The following ELF2 variants were observed in gnomAD, a reference collection of about 807,000 sequenced individuals.
The protein encoded by ELF2 is E74 like ETS transcription factor 2, also known as ETS-related transcription factor Elf-2.
A neutral mutation model predicts 54.8 loss-of-function variants in ELF2; 11 were observed. The ratio of observed to expected loss-of-function variants is 0.20; its 90% CI spans 0.13 to 0.33. ELF2 has a LOEUF of 0.33. Ranked by LOEUF, ELF2 falls within the 10% of genes least tolerant of loss-of-function variation. The pLI, the probability that ELF2 is intolerant of heterozygous loss-of-function variation, is 1.00. For missense variants in ELF2, 513 were observed against 703.0 expected (o/e 0.73, Z 3.06); for synonymous variants, 203 against 245.1 (o/e 0.83, Z 1.61).
intron 1 of ELF2, among the ~76,000 whole-genome samples, chr4:139,170,188 T>C (rs1742135472): frequency 6.7e-6 from 1 of 148,666 alleles, no homozygotes; most frequent in Non-Finnish European, 1.5e-5. Context: ...GTATAATCTA[T>C]AAAAGAAAAA....
At chr4:139,078,417 T>TC (rs1044540240) in intron 4 of ELF2, among the ~76,000 whole-genome samples, 7 of 152,084 alleles carry the variant, frequency 4.6e-5, no homozygotes, top group African/African-American at 1.7e-4. Flanking sequence ...CCCAAAGCTA[T>TC]ACCAGTAATA....
chr4:139,141,506 A>C (rs1738696520), intron 1 of ELF2, among the ~76,000 whole-genome samples: 1 of 152,182 alleles, frequency 6.6e-6, no homozygotes, highest in East Asian at 1.9e-4. Context: ...TTGTACAGTC[A>C]AGAGAGGAAA....
At chr4:139,167,176 G>A (rs1345127735) in intron 1 of ELF2, among the ~76,000 whole-genome samples, 2 of 152,138 alleles carry the variant, frequency 1.3e-5, no homozygotes, top group Non-Finnish European at 2.9e-5. Flanking sequence ...ATAAAAGTTT[G>A]CTCTCTTTAT....
In ELF2 at chr4:139,061,815, T is replaced by C. The variant is rs370316291; in HGVS notation, c.806+50A>G. 2.1e-5 allele frequency: 34 copies of C among 1,596,780 alleles called. No individual in the cohort carries two copies. The African/African-American group carries it at 3.2e-4, about 15-fold the overall frequency. On this transcript the variant is annotated intron_variant, in intron 8 of 9. Coordinates refer to ENST00000686138, the MANE Select transcript of ELF2 (RefSeq NM_001331036.3). ...TCTCTTTAAACAGCTAATAGACATA[T>C]AAAGAAATACATAAATTTTGTTTGA...
intron 1 of ELF2, among the ~76,000 whole-genome samples, chr4:139,140,166 T>C (rs757727866): frequency 4.6e-5 from 7 of 152,184 alleles, no homozygotes; most frequent in Non-Finnish European, 1.0e-4. Context: ...GATCTGGAAC[T>C]CCTGGCCTCA....
intron 4 of ELF2, among the ~76,000 whole-genome samples, chr4:139,104,375 T>C (rs1734205741): frequency 1.3e-5 from 2 of 151,928 alleles, no homozygotes; most frequent in South Asian, 4.1e-4. Context: ...CCAGGCGTGG[T>C]GGTGCCCACC....
At chr4:139,098,266 T>G (rs1733496207) in intron 4 of ELF2, among the ~76,000 whole-genome samples, 1 of 152,150 alleles carries the variant, frequency 6.6e-6, no homozygotes, top group Non-Finnish European at 1.5e-5. Context: ...TTCCTAAAAA[T>G]TTTTGTTTTA....
At chr4:139,084,459 CGGCTGTGGCTGT>C (rs1260963219) in intron 4 of ELF2, 7 of 1,150,612 alleles carry the variant, frequency 6.1e-6, no homozygotes, top group Non-Finnish European at 6.4e-6. Context: ...GCGGCGGCGG[CGGCTGTGGCTGT>C]GGCGGCCGCC....
intron 6 of ELF2, among the ~76,000 whole-genome samples, chr4:139,069,904 T>C (rs1729269825): frequency 6.6e-6 from 1 of 152,088 alleles, no homozygotes; most frequent in Non-Finnish European, 1.5e-5. Flanking sequence ...TGGAATGCAG[T>C]GGCACGATTA....
chr4:139,098,196 CA>C (rs1733488049), intron 4 of ELF2, among the ~76,000 whole-genome samples: 1 of 152,072 alleles, frequency 6.6e-6, no homozygotes, highest in African/African-American at 2.4e-5. Flanking sequence ...TTTTTAATTT[CA>C]TATATGCTTT....
rs142637962 is a variant in ELF2, at chr4:139,107,485, G to A, written c.238+17679C>T. Among the ~76,000 whole-genome samples, 302 of 152,100 alleles carry A rather than the reference G, an allele frequency of 2.0e-3. 2 individuals are homozygous for A. Among genetic ancestry groups the A allele is most frequent in the African/African-American group, 6.2e-3 (257 of 41,498 alleles). ...ATATATATGTATCAAAATATCATACGTACCCCAAAATATGTACGATTATAA... is the reference window on the plus strand; with the variant it reads ...ATATATATGTATCAAAATATCATACATACCCCAAAATATGTACGATTATAA... On this transcript the variant is annotated intron_variant, in intron 4 of 9. Transcript: ENST00000686138.
chr4:139,168,874 A>C (rs1285040548), intron 1 of ELF2, among the ~76,000 whole-genome samples: 1 of 152,094 alleles, frequency 6.6e-6, no homozygotes, highest in Non-Finnish European at 1.5e-5. Flanking sequence ...GGGTCCAAAG[A>C]AAGATTTTGA....
chr4:139,087,779 A>T (rs1194840189), intron 4 of ELF2, among the ~76,000 whole-genome samples: 1 of 152,190 alleles, frequency 6.6e-6, no homozygotes, highest in Non-Finnish European at 1.5e-5. Flanking sequence ...ACAACTTTTT[A>T]AAATAGCATC....
intron 1 of ELF2, among the ~76,000 whole-genome samples, chr4:139,156,610 ATATT>A (rs1560877750): frequency 6.7e-6 from 1 of 149,312 alleles, no homozygotes; most frequent in Non-Finnish European, 1.5e-5. Context: ...ATATATATAT[ATATT>A]TGTTGTTTTG....
intron 4 of ELF2, among the ~76,000 whole-genome samples, chr4:139,102,517 GA>G (rs1369070955): frequency 1.5e-4 from 23 of 150,430 alleles, no homozygotes; most frequent in African/African-American, 5.4e-4. Context: ...TCCAGCCTGG[GA>G]GACAGAGGGA....
chr4:139,149,152 G>A (rs906789034), intron 1 of ELF2, among the ~76,000 whole-genome samples: 2 of 152,140 alleles, frequency 1.3e-5, no homozygotes, highest in Non-Finnish European at 2.9e-5. Flanking sequence ...ATAGGAATTG[G>A]AAAGGAAGAA....
At chr4:139,134,567 ATTT>A (rs1560850998) in intron 3 of ELF2, among the ~76,000 whole-genome samples, 9 of 144,336 alleles carry the variant, frequency 6.2e-5, no homozygotes, top group South Asian at 2.1e-4. Context: ...ATTTTATGTT[ATTT>A]TATTTTATGT....
intron 7 of ELF2, among the ~76,000 whole-genome samples, chr4:139,065,339 C>T (rs1475615304): frequency 2.0e-5 from 3 of 151,946 alleles, no homozygotes; most frequent in Admixed American, 1.3e-4. Flanking sequence ...TAGCCAGACA[C>T]GGTGGTATGT....
chr4:139,117,305 T>C (rs976690805), intron 4 of ELF2, among the ~76,000 whole-genome samples: 2 of 152,254 alleles, frequency 1.3e-5, no homozygotes, highest in Admixed American at 1.3e-4. Flanking sequence ...AAATGTTTTT[T>C]TAAAAAGCAA....
Sources: allele counts gnomAD v4.1 joint callset (sites outside exome capture counted in the v4.1 genomes callset), GRCh38; gene constraint gnomAD v4.1.1; transcripts MANE v1.5; gene names NCBI Gene and HGNC (gene_info 2026-07-23, HGNC 2026-07-21).